PRKD2: variants seen among roughly 807,000 people sequenced by gnomAD.
PRKD2 encodes protein kinase D2.
A neutral mutation model predicts 86.0 loss-of-function variants in PRKD2; 22 were observed. The ratio of observed to expected loss-of-function variants is 0.26; its 90% CI spans 0.18 to 0.37. The LOEUF (loss-of-function observed/expected upper bound fraction) is 0.37. PRKD2 is among the 10% of genes least tolerant of loss of function. PRKD2 has a pLI of 1.00. For synonymous variants in PRKD2, 509 were observed against 510.9 expected, an observed-to-expected ratio of 1.00 and a Z score of 0.05; for missense variants, 818 against 1,199.2, an observed-to-expected ratio of 0.68 and a Z score of 4.70.
At chr19:46,698,774 A>T (rs564309352) in intron 7 of PRKD2, among the ~76,000 whole-genome samples, 1 of 152,228 alleles carries the variant, frequency 6.6e-6, no homozygotes, top group Admixed American at 6.5e-5. Context: ...AGATTAAGTG[A>T]CTTGCTCAAC....
intron 15 of PRKD2, among the ~76,000 whole-genome samples, chr19:46,679,655 C>T (rs898214738): frequency 3.2e-4 from 49 of 152,166 alleles, no homozygotes; most frequent in African/African-American, 1.1e-3. Context: ...GACGGAGTCT[C>T]GCTCTGTCGC....
chr19:46,698,317 C>G (rs1186815650), intron 7 of PRKD2, among the ~76,000 whole-genome samples: 1 of 152,200 alleles, frequency 6.6e-6, no homozygotes, highest in Non-Finnish European at 1.5e-5. Flanking sequence ...TCCGCCTCGG[C>G]CTCCCAGAGT....
At chr19:46,713,826 CCGAGGCCCCG>C in intron 2 of PRKD2, 27 bp downstream of exon 2, 1 of 1,438,706 alleles carries the variant, frequency 7.0e-7, no homozygotes, top group Non-Finnish European at 9.3e-7. Flanking sequence ...CCGCCCCCAC[CCGAGGCCCCG>C]CCCCCAGGCC....
At chr19:46,704,729 C>T (rs1175673445) in intron 3 of PRKD2, 80 bp from the exon 4 acceptor site, 3 of 1,504,208 alleles carry the variant, frequency 2.0e-6, no homozygotes, top group Non-Finnish European at 2.7e-6. Context: ...CCCTTTCCAC[C>T]CAATCTCTCA....
chr19:46,678,022 C>A lies in PRKD2; in HGVS notation c.2338+374G>T, dbSNP rs1347464354. Among the ~76,000 whole-genome samples, 1 of 152,194 alleles carries A rather than the reference C, an allele frequency of 6.6e-6. No homozygotes were observed. Among genetic ancestry groups the A allele is most frequent in the Non-Finnish European group, 1.5e-5 (1 of 68,032 alleles). ...AAACCCAAAGGCTCCAGGTCCCAGCCAATGCCTTGGGAGGCTCAGCCCCTT... is the reference window on the plus strand; with the variant it reads ...AAACCCAAAGGCTCCAGGTCCCAGCAAATGCCTTGGGAGGCTCAGCCCCTT... On this transcript the variant is annotated intron_variant, in intron 16 of 17. Transcript: ENST00000291281. This position sits in a 1 kb window ranked among gnomAD's most constrained non-coding sequence, Gnocchi z 5.7.
Position 46,704,223 on chromosome 19 carries a change from G to C in PRKD2, c.835C>G (p.Gln279Glu). 6.2e-7 allele frequency: 1 copy of C among 1,614,206 alleles called. No homozygotes were observed. The highest frequency in any genetic ancestry group is 8.5e-7 in the Non-Finnish European group (1 of 1,180,030). The change falls in exon 5 of 18, where the codon CAG becomes GAG. Residue 279 changes from glutamine (Q) to glutamate (E), a missense_variant. Around this residue, in one of 5 missense-constraint regions of PRKD2, gnomAD observed 403 missense variants for 518.6 expected, o/e 0.78. Coordinates refer to ENST00000291281, the MANE Select transcript of PRKD2 (RefSeq NM_016457.5). ...IHSYTRPTVC[Q>E]ACKKLLKGLF... The stretch of plus-strand genomic sequence containing the variant: ...CCCTTGAGGAGTTTCTTGCAAGCCT[G>C]GCAAACGGTGGGCCGTGTATAGCTG...
chr19:46,684,545 A>C (rs1391805055), intron 14 of PRKD2, among the ~76,000 whole-genome samples: 1 of 151,694 alleles, frequency 6.6e-6, no homozygotes, highest in Non-Finnish European at 1.5e-5. Context: ...TGGTCTCAAA[A>C]CTCCTGACCT....
chr19:46,701,060 G>A lies in PRKD2; in HGVS notation c.942C>T (p.Cys314=), dbSNP rs1185045752. The change falls in exon 6 of 18, where the codon TGC becomes TGT. Residue 314 remains cysteine, a synonymous_variant. Transcript: ENST00000291281. Reference sequence around the variant, plus strand: ...CTCCATTGATAAGGGCCTCCCCCAGGCAGTCATTAGGGACGCGGGTGGCGC... The same window carrying A: ...CTCCATTGATAAGGGCCTCCCCCAGACAGTCATTAGGGACGCGGGTGGCGC... ...KRCATRVPND[C]LGEALINGDV... The A allele has an allele frequency of 7.4e-6, 12 of 1,614,070 alleles. No individual in the cohort carries two copies. The highest frequency in any genetic ancestry group is 9.3e-6 in the Non-Finnish European group (11 of 1,180,048).
intron 3 of PRKD2, among the ~76,000 whole-genome samples, chr19:46,708,258 G>A (rs572401227): frequency 6.7e-6 from 1 of 150,058 alleles, no homozygotes; most frequent in African/African-American, 2.5e-5. Context: ...AGGTAATTAA[G>A]GTTAATTGAG....
At chr19:46,708,311 T>A (rs2053747073) in intron 3 of PRKD2, among the ~76,000 whole-genome samples, 1 of 83,058 alleles carries the variant, frequency 1.2e-5, no homozygotes, top group Non-Finnish European at 2.6e-5. Flanking sequence ...TGGTGACCTT[T>A]TTTTTTTTTT....
chr19:46,683,301 G>A (rs1160502571), intron 14 of PRKD2, among the ~76,000 whole-genome samples: 5 of 151,084 alleles, frequency 3.3e-5, no homozygotes, highest in African/African-American at 1.2e-4. Flanking sequence ...CATCATGTTG[G>A]TCAGGCTGGT....
chr19:46,680,318 T>C (rs2053278126), intron 15 of PRKD2, among the ~76,000 whole-genome samples: 2 of 152,054 alleles, frequency 1.3e-5, no homozygotes, highest in African/African-American at 4.8e-5. Flanking sequence ...AGACGAGTCT[T>C]GGTCTGTCGT....
intron 15 of PRKD2, among the ~76,000 whole-genome samples, chr19:46,680,946 A>ATATATATATATATATAT: frequency 2.9e-4 from 14 of 48,226 alleles, no homozygotes; most frequent in Middle Eastern, 0.023. Context: ...ATATATATAT[A>ATATATATATATATATAT]TTTTTTTTTT....
intron 5 of PRKD2, among the ~76,000 whole-genome samples, chr19:46,702,862 T>C (rs574795648): frequency 2.0e-5 from 3 of 151,984 alleles, no homozygotes; most frequent in African/African-American, 7.2e-5. Context: ...TAATTTTTAA[T>C]TTTTTTTGTA....
intron 14 of PRKD2, 66 bp downstream of exon 14, chr19:46,689,471 T>C (rs761719104): frequency 7.9e-5 from 120 of 1,523,614 alleles, no homozygotes; most frequent in Middle Eastern, 1.7e-4. Flanking sequence ...CCCCTAGGCA[T>C]ACAGGGCCTC....
intron 3 of PRKD2, among the ~76,000 whole-genome samples, chr19:46,706,228 C>T (rs900545291): frequency 3.2e-4 from 48 of 152,166 alleles, no homozygotes; most frequent in Non-Finnish European, 1.0e-4. Context: ...TCCCACTGGA[C>T]GTTCTGTATG....
Position 46,688,435 on chromosome 19 carries a change from TA to T in PRKD2, c.1971+1101del, listed in dbSNP as rs1479148719. Reference sequence around the variant, plus strand: ...TATGATTACTCTTTATTATTATTATTATTATTATTTTTTTTTTTGAGACGAA... The same window carrying T: ...TATGATTACTCTTTATTATTATTATTTTATTATTTTTTTTTTTGAGACGAA... On this transcript the variant is annotated intron_variant, in intron 14 of 17. Transcript: ENST00000291281. Among the ~76,000 whole-genome samples the T allele has an allele frequency of 9.5e-4, 142 of 148,936 alleles. 2 individuals are homozygous for T. The highest frequency in any genetic ancestry group is 3.4e-3 in the Middle Eastern group (1 of 290).
At chr19:46,675,382 C>T (rs1181899931) in intron 16 of PRKD2, among the ~76,000 whole-genome samples, 1 of 151,688 alleles carries the variant, frequency 6.6e-6, no homozygotes, top group East Asian at 1.9e-4. Context: ...CCTATGTCAC[C>T]TTTTTTTTTC....
chr19:46,689,461 C>T lies in PRKD2; in HGVS notation c.1971+76G>A, dbSNP rs1366262857. 2.7e-6 allele frequency: 4 copies of T among 1,485,632 alleles called. No individual in the cohort carries two copies. The African/African-American group carries it at 4.2e-5, about 15-fold the overall frequency. 92.0% of individuals were successfully genotyped at this position (1,485,632 alleles called of 1,614,324 possible). ...TGACTCCCCCAAGTGTCTGCTTGAC[C>T]CCCTAGGCATACAGGGCCTCTCCAA... On this transcript the variant is annotated intron_variant, in intron 14 of 17. Transcript: ENST00000291281.
Sources: gnomAD v4.1 joint callset for allele counts (sites outside exome capture counted in the v4.1 genomes callset) on GRCh38, gnomAD v4.1.1 for gene constraint, gnomAD v4.1.1 regional missense constraint, Gnocchi (gnomAD v3.1) non-coding constraint, MANE v1.5 for transcripts, NCBI Gene and HGNC (gene_info 2026-07-23, HGNC 2026-07-21) for gene names.